Variants in YME1L1 observed in about 807,000 individuals in gnomAD.
YME1L1 encodes the protein YME1 like 1 ATPase, also known as ATP-dependent zinc metalloprotease YME1L1.
YME1L1 carries 39 observed loss-of-function variants against 90.4 expected under a neutral mutation model. That is an observed-to-expected ratio of 0.43 (90% CI 0.33 to 0.56). The LOEUF (loss-of-function observed/expected upper bound fraction) is 0.56, where lower values mean the gene tolerates loss of function less well. Among genes scored for constraint, YME1L1 ranks in the 20% least tolerant of loss-of-function variants. YME1L1 has a pLI of 0.03. For synonymous variants in YME1L1, 284 were observed against 287.3 expected (o/e 0.99, Z 0.12); for missense variants, 617 against 868.4 (o/e 0.71, Z 3.64).
intron 3 of YME1L1, among the ~76,000 whole-genome samples, 176 bp downstream of exon 3, chr10:27,145,252 T>C (rs1016617130): frequency 9.3e-5 from 14 of 150,798 alleles, no homozygotes; most frequent in African/African-American, 3.2e-4. Context: ...TTTGCAACTT[T>C]CCTGTAAATC....
intron 8 of YME1L1, among the ~76,000 whole-genome samples, chr10:27,128,400 T>G (rs572341863): frequency 3.4e-4 from 51 of 152,170 alleles, no homozygotes; most frequent in Non-Finnish European, 6.2e-4. Flanking sequence ...ACTTTCACTA[T>G]GCTTAGTTAT....
chr10:27,144,286 C>A lies in YME1L1; in HGVS notation c.331+1142G>T, dbSNP rs566791679. 1.1e-3 allele frequency among the ~76,000 whole-genome samples: 160 copies of A among 152,294 alleles called. 2 individuals are homozygous for A. The South Asian group carries it at 0.011, about 10-fold the overall frequency. ...ATAAGAAGGCAACTTTAGGCAGAGG[C>A]AAACTTTTAGTCTAAGCCCCCAAGC... On this transcript the variant is annotated intron_variant, in intron 3 of 18. Transcript: ENST00000376016.
At position 27,139,801 on chromosome 10, in the gene YME1L1, C is replaced by G. The variant is rs555506090; in HGVS notation, c.430+2586G>C. 3.7e-3 allele frequency among the ~76,000 whole-genome samples: 566 copies of G among 152,280 alleles called. 3 individuals carry two copies. The highest frequency in any genetic ancestry group is 6.3e-3 in the Non-Finnish European group (429 of 68,020). On this transcript the variant is annotated intron_variant, in intron 4 of 18. Coordinates refer to ENST00000376016, the MANE Select transcript of YME1L1 (RefSeq NM_014263.4). ...TTTTAAAACCTTCACATATCCATGG[C>G]AATTCCCACTCATACTTCTAATACT...
intron 4 of YME1L1, among the ~76,000 whole-genome samples, chr10:27,139,016 G>A (rs1473635200): frequency 6.6e-6 from 1 of 151,840 alleles, no homozygotes; most frequent in African/African-American, 2.4e-5. Context: ...ATGATAAATT[G>A]ACTTACTAAT....
chr10:27,120,471 A>C lies in YME1L1; in HGVS notation c.1375T>G (p.Leu459Val), dbSNP rs2056856101. The C allele has an allele frequency of 1.9e-6, 3 of 1,613,732 alleles. No individual in the cohort carries two copies. Among genetic ancestry groups the C allele is most frequent in the Non-Finnish European group, 2.5e-6 (3 of 1,179,840 alleles). Residue 459 changes from leucine to valine, a missense_variant, in exon 13 of 19, where the codon TTG becomes GTG. By Grantham distance (32) the Leu-to-Val change is conservative. This residue lies in a region of YME1L1 where 212 missense variants were observed against 330.0 expected (regional missense o/e 0.64). Coordinates refer to ENST00000376016, the MANE Select transcript of YME1L1 (RefSeq NM_014263.4). ...RPDVKGRTEILKWYLNKIKFD... is the reference protein window; with the variant it reads ...RPDVKGRTEIVKWYLNKIKFD... Reference sequence around the variant, plus strand: ...TTTATTTTATTGAGATACCATTTCAAAATTTCTGTTCGACCTTTTACATCT... The same window carrying C: ...TTTATTTTATTGAGATACCATTTCACAATTTCTGTTCGACCTTTTACATCT...
intron 8 of YME1L1, among the ~76,000 whole-genome samples, chr10:27,130,367 A>G (rs568958657): frequency 6.6e-6 from 1 of 152,252 alleles, no homozygotes; most frequent in South Asian, 2.1e-4. Context: ...TCCCTGGGTG[A>G]TCTCATCCAA....
chr10:27,147,283 C>T (rs1168207832), intron 2 of YME1L1: 4 of 766,574 alleles, frequency 5.2e-6, no homozygotes, highest in African/African-American at 1.8e-5. Flanking sequence ...TGCTTCAGGC[C>T]AGGAGTTCGA....
chr10:27,119,846 C>G (rs2056849067), intron 13 of YME1L1, among the ~76,000 whole-genome samples: 1 of 151,412 alleles, frequency 6.6e-6, no homozygotes, highest in South Asian at 2.1e-4. Context: ...CCTCACATTC[C>G]AAGGGAAAAA....
At chr10:27,136,137 A>T (rs2057024621) in intron 5 of YME1L1, 139 bp downstream of exon 5, 1 of 707,838 alleles carries the variant, frequency 1.4e-6, no homozygotes, top group Non-Finnish European at 2.3e-6. Flanking sequence ...TATAATGATT[A>T]CACAGGTTAC....
Position 27,120,421 on chromosome 10 carries a change from G to C in YME1L1, c.1411+14C>G, listed in dbSNP as rs755152480. The C allele has an allele frequency of 1.3e-6, 2 of 1,579,148 alleles. No individual in the cohort carries two copies. Among genetic ancestry groups the C allele is most frequent in the Admixed American group, 3.4e-5 (2 of 59,580 alleles). Reference sequence around the variant, plus strand: ...CACTTTACAGAAATGACAAATGTTTGTTTTGATACTTACATTGATCAAACT... The same window carrying C: ...CACTTTACAGAAATGACAAATGTTTCTTTTGATACTTACATTGATCAAACT... On this transcript the variant is annotated intron_variant, in intron 13 of 18. Coordinates refer to ENST00000376016, the MANE Select transcript of YME1L1 (RefSeq NM_014263.4).
intron 2 of YME1L1, chr10:27,147,543 G>T (rs748790412): frequency 1.2e-6 from 2 of 1,611,068 alleles, no homozygotes; most frequent in Non-Finnish European, 1.7e-6. Flanking sequence ...GCCAGTTATC[G>T]GTTGTGTCCA....
intron 8 of YME1L1, among the ~76,000 whole-genome samples, chr10:27,127,957 T>C (rs2056938017): frequency 6.6e-6 from 1 of 152,198 alleles, no homozygotes; most frequent in Non-Finnish European, 1.5e-5. Flanking sequence ...AAATAATAGA[T>C]ATAATTCCAA....
intron 1 of YME1L1, chr10:27,153,081 C>T (rs2057245655): frequency 2.4e-6 from 1 of 419,742 alleles, no homozygotes; most frequent in African/African-American, 2.1e-5. Context: ...TTTGTTCCTT[C>T]AACCTGCTAA....
intron 3 of YME1L1, among the ~76,000 whole-genome samples, chr10:27,144,701 C>T (rs942322056): frequency 9.9e-5 from 15 of 152,070 alleles, no homozygotes; most frequent in African/African-American, 3.4e-4. Flanking sequence ...AAAATTAAAA[C>T]AAACAACGCC....
rs11015538 is a variant in YME1L1 at position 27,112,127 on chromosome 10, C to T, written c.2008-7G>A. On this transcript the variant is annotated splice_region_variant and splice_polypyrimidine_tract_variant and intron_variant, in intron 18 of 18. Transcript: ENST00000376016. ...TTGCTCGTTCATATGAGTCCTGAAA[C>T]AGAAAAGGAGATACGTAAGCAGCAG... 335,142 of 1,606,350 alleles carry T rather than the reference C, an allele frequency of 0.21. 41,216 individuals are homozygous for T. Among genetic ancestry groups the T allele is most frequent in the East Asian group, 0.58 (26,118 of 44,712 alleles).
chr10:27,131,189 T>A (rs2135870167), intron 8 of YME1L1, among the ~76,000 whole-genome samples: 1 of 152,330 alleles, frequency 6.6e-6, no homozygotes, highest in South Asian at 2.1e-4. Flanking sequence ...AAACTCCCAA[T>A]CCTCTTTACC....
At chr10:27,114,887 C>T (rs1256734775) in intron 17 of YME1L1, among the ~76,000 whole-genome samples, 1 of 152,066 alleles carries the variant, frequency 6.6e-6, no homozygotes, top group East Asian at 1.9e-4. Context: ...AATAGCTGGG[C>T]ATAGCGGCAC....
intron 4 of YME1L1, among the ~76,000 whole-genome samples, chr10:27,141,348 G>A (rs1188165981): frequency 6.6e-6 from 1 of 152,098 alleles, no homozygotes; most frequent in East Asian, 1.9e-4. Flanking sequence ...TCCAGCCTGG[G>A]TCACAAGAGG....
At chr10:27,151,464 T>A (rs1227222300) in intron 1 of YME1L1, among the ~76,000 whole-genome samples, 1 of 152,234 alleles carries the variant, frequency 6.6e-6, no homozygotes, top group African/African-American at 2.4e-5. Flanking sequence ...GACCATTTAA[T>A]AGATGAAGAC....
Sources: allele counts gnomAD v4.1 joint callset (sites outside exome capture counted in the v4.1 genomes callset), GRCh38; gene constraint gnomAD v4.1.1; regional missense constraint gnomAD v4.1.1; transcripts MANE v1.5; gene names NCBI Gene and HGNC (gene_info 2026-07-23, HGNC 2026-07-21).